Variants in EDA observed in about 807,000 individuals in gnomAD.
The protein encoded by EDA is ectodysplasin-A.
Under a neutral mutation model 23.6 loss-of-function variants are expected in EDA, and 2 were observed. That is an observed-to-expected ratio of 0.08 (90% CI 0.03 to 0.27). The LOEUF is 0.27. EDA is among the 10% of genes least tolerant of loss of function. The pLI is 1.00. For synonymous variants in EDA, 131 were observed against 132.0 expected, an observed-to-expected ratio of 0.99 and a Z score of 0.05; for missense variants, 229 against 324.2, an observed-to-expected ratio of 0.71 and a Z score of 2.26.
Position 69,682,142 on chromosome X carries a change from G to T in EDA, c.396+65438G>T, listed in dbSNP as rs1934381558. 2.7e-5 allele frequency among the ~76,000 whole-genome samples: 3 copies of T among 112,380 alleles called. No homozygotes were observed. In the Admixed American group the frequency reaches 2.8e-4, roughly 11 times the overall value. ...CCCAGTTAGGCTGCTCAGGGGTCAG[G>T]GGTCAGGGACCCGCTTGTGGAGGCA... is the stretch of plus-strand genomic sequence containing the variant. On this transcript the variant is annotated intron_variant, in intron 1 of 7. Coordinates refer to ENST00000374552, the MANE Select transcript of EDA (RefSeq NM_001399.5).
intron 1 of EDA, among the ~76,000 whole-genome samples, chrX:69,754,047 T>G (rs953685626): frequency 3.6e-5 from 4 of 111,869 alleles, no homozygotes; most frequent in Non-Finnish European, 7.5e-5. Flanking sequence ...TGTCTTTTAA[T>G]TGGAGCATTT....
chrX:69,800,650 G>T (rs1054652563), intron 1 of EDA, among the ~76,000 whole-genome samples: 1 of 111,637 alleles, frequency 9.0e-6, no homozygotes, highest in Admixed American at 9.5e-5. Flanking sequence ...AGTAGTATCT[G>T]AACTTCTATC....
At chrX:69,654,385 G>T (rs1375732347) in intron 1 of EDA, among the ~76,000 whole-genome samples, 1 of 111,393 alleles carries the variant, frequency 9.0e-6, no homozygotes, top group Non-Finnish European at 1.9e-5. Flanking sequence ...GGAAGTCAGT[G>T]TGGCGATTCC....
chrX:69,944,768 G>A lies in EDA; in HGVS notation c.397-12259G>A, dbSNP rs190340641. On this transcript the variant is annotated intron_variant, in intron 1 of 7. Transcript: ENST00000374552. ...CTTGCCCAGGAATTGCTGTCCTTGT[G>A]GCCTAGACTGCCTTTAAAGTTTATT... Among the ~76,000 whole-genome samples the A allele has an allele frequency of 4.5e-3, 503 of 111,569 alleles. 3 individuals are homozygous for A. Among genetic ancestry groups the A allele is most frequent in the African/African-American group, 0.016 (486 of 30,690 alleles).
chrX:70,008,753 A>T, intron 2 of EDA, among the ~76,000 whole-genome samples: 1 of 110,953 alleles, frequency 9.0e-6, no homozygotes, highest in Admixed American at 9.6e-5. Flanking sequence ...GGTTTGCTAT[A>T]TGGGTATATT....
intron 1 of EDA, among the ~76,000 whole-genome samples, chrX:69,658,768 T>C (rs1348378611): frequency 8.9e-6 from 1 of 111,799 alleles, no homozygotes; most frequent in Non-Finnish European, 1.9e-5. Context: ...AGCAAATAAC[T>C]CTTGGTTCTT....
Position 70,036,010 on chromosome X carries a change from G to A in EDA, c.*401G>A. 1 of 188,683 alleles carries A rather than the reference G, an allele frequency of 5.3e-6. No individual in the cohort carries two copies. Among genetic ancestry groups the A allele is most frequent in the Non-Finnish European group, 9.8e-6 (1 of 102,485 alleles). The allele number at this position is 188,683 out of a possible 1,213,427, so 15.5% of individuals were successfully genotyped here. ...GGGGTGGACATCTGACCCCAAGGGG[G>A]CTGCTGCTCCTCTCTTGGGTAGGGT... On this transcript the variant is annotated 3_prime_UTR_variant, in exon 8 of 8. Transcript: ENST00000374552.
chrX:69,781,776 G>A (rs1251451902), intron 1 of EDA, among the ~76,000 whole-genome samples: 5 of 110,783 alleles, frequency 4.5e-5, no homozygotes, highest in Admixed American at 9.7e-5. Flanking sequence ...CTGTTAGACA[G>A]AAATTCTATG....
At chrX:69,884,353 A>T (rs1317783458) in intron 1 of EDA, among the ~76,000 whole-genome samples, 1 of 112,222 alleles carries the variant, frequency 8.9e-6, no homozygotes, top group African/African-American at 3.2e-5. Flanking sequence ...GCTAATAGGC[A>T]AGGAGTCTCT....
chrX:69,954,213 G>T (rs186260799), intron 1 of EDA, among the ~76,000 whole-genome samples: 1 of 111,119 alleles, frequency 9.0e-6, no homozygotes, highest in Admixed American at 9.6e-5. Flanking sequence ...CTTATTCTAA[G>T]CTACTTATAG....
intron 6 of EDA, among the ~76,000 whole-genome samples, chrX:70,032,656 C>T (rs969314330): frequency 2.7e-5 from 3 of 111,347 alleles, no homozygotes; most frequent in East Asian, 5.7e-4. Flanking sequence ...CCACCCCTGC[C>T]TGGGGTGGGG....
intron 6 of EDA, among the ~76,000 whole-genome samples, chrX:70,031,635 A>G (rs1351426256): frequency 8.9e-6 from 1 of 111,744 alleles, no homozygotes; most frequent in African/African-American, 3.3e-5. Flanking sequence ...GGCTGTGCTG[A>G]GTTTCCTTAA....
At chrX:69,698,869 C>CA (rs765848409) in intron 1 of EDA, among the ~76,000 whole-genome samples, 2 of 111,100 alleles carry the variant, frequency 1.8e-5, no homozygotes, top group East Asian at 5.7e-4. Context: ...GTTGGGAGTC[C>CA]AAAACGGGGA....
chrX:69,666,602 G>T (rs1287499059), intron 1 of EDA, among the ~76,000 whole-genome samples: 1 of 112,396 alleles, frequency 8.9e-6, no homozygotes, highest in Non-Finnish European at 1.9e-5. Context: ...CACATGGATT[G>T]ATTTGCTTAT....
In EDA at chrX:69,908,487, A is replaced by G. The variant is rs773358447; in HGVS notation, c.397-48540A>G. Among the ~76,000 whole-genome samples, 3 of 109,416 alleles carry G rather than the reference A, an allele frequency of 2.7e-5. No individual in the cohort carries two copies. The East Asian group carries it at 8.6e-4, about 31-fold the overall frequency. On this transcript the variant is annotated intron_variant, in intron 1 of 7. Coordinates refer to ENST00000374552, the MANE Select transcript of EDA (RefSeq NM_001399.5). ...ATATAAAAAGTATATATATATATATATAATTATTGGATTATACAAAATTAG... is the reference window on the plus strand; with the variant it reads ...ATATAAAAAGTATATATATATATATGTAATTATTGGATTATACAAAATTAG...
intron 1 of EDA, among the ~76,000 whole-genome samples, chrX:69,815,021 G>A (rs1368802644): frequency 1.8e-5 from 2 of 111,843 alleles, no homozygotes; most frequent in Non-Finnish European, 3.8e-5. Flanking sequence ...CCCTAGGAAA[G>A]GGGCTGAATC....
At chrX:69,901,694 G>A (rs990315114) in intron 1 of EDA, among the ~76,000 whole-genome samples, 1 of 111,530 alleles carries the variant, frequency 9.0e-6, no homozygotes, top group African/African-American at 3.3e-5. Flanking sequence ...ACATTTAAAG[G>A]GGTAATATGG....
intron 1 of EDA, among the ~76,000 whole-genome samples, chrX:69,891,558 T>C (rs1368228097): frequency 1.9e-5 from 2 of 106,355 alleles, no homozygotes; most frequent in African/African-American, 6.6e-5. Flanking sequence ...GTGGTACATA[T>C]ACACTATGGA....
At chrX:69,957,430 GACT>G in intron 2 of EDA, 1 of 240,781 alleles carries the variant, frequency 4.2e-6, no homozygotes, top group Non-Finnish European at 7.3e-6. Context: ...AGTGAGCTGA[GACT>G]GTGCCACTGC....
Sources: allele counts gnomAD v4.1 joint callset (sites outside exome capture counted in the v4.1 genomes callset), GRCh38; gene constraint gnomAD v4.1.1; transcripts MANE v1.5; gene names NCBI Gene and HGNC (gene_info 2026-07-23, HGNC 2026-07-21).